Variants in RANBP2 observed in about 807,000 individuals in gnomAD.
The protein encoded by RANBP2 is E3 SUMO-protein ligase RanBP2.
RANBP2 carries 57 observed loss-of-function variants against 303.6 expected under a neutral mutation model. That is an observed-to-expected ratio of 0.19 (90% CI 0.15 to 0.23). RANBP2 has a LOEUF of 0.23. RANBP2 is among the 10% of genes least tolerant of loss of function. RANBP2 has a pLI of 1.00. For synonymous variants in RANBP2, 1,167 were observed against 1,301.5 expected (o/e 0.90, Z 2.23); for missense variants, 3,138 against 3,780.8 (o/e 0.83, Z 4.46).
the RANBP2 span, among the ~76,000 whole-genome samples, chr2:109,246,327 G>T: frequency 6.6e-6 from 1 of 152,156 alleles, no homozygotes; most frequent in Non-Finnish European, 1.5e-5. Flanking sequence ...GTTCACAGAC[G>T]GTGCCTTCTC....
the RANBP2 span, among the ~76,000 whole-genome samples, chr2:109,483,788 C>A: frequency 2.0e-5 from 3 of 152,168 alleles, no homozygotes; most frequent in Non-Finnish European, 4.4e-5. Flanking sequence ...CCTCCCCAGG[C>A]TGCAGGCGCT....
the RANBP2 span, among the ~76,000 whole-genome samples, chr2:109,408,654 C>G: frequency 6.6e-6 from 1 of 152,238 alleles, no homozygotes; most frequent in Non-Finnish European, 1.5e-5. Context: ...CTGGCACTCT[C>G]AGACAGAAGG....
the RANBP2 span, among the ~76,000 whole-genome samples, chr2:109,016,175 G>A: frequency 2.0e-5 from 3 of 152,088 alleles, no homozygotes; most frequent in Non-Finnish European, 2.9e-5. Flanking sequence ...TCCGCCTCCC[G>A]GGTTCACGCC....
the RANBP2 span, among the ~76,000 whole-genome samples, chr2:109,300,643 C>A: frequency 6.6e-6 from 1 of 152,148 alleles, no homozygotes; most frequent in African/African-American, 2.4e-5. Context: ...AACCACTCGT[C>A]CTCCATCCAT....
chr2:109,428,364 TAAGG>T, the RANBP2 span, among the ~76,000 whole-genome samples: 1 of 152,214 alleles, frequency 6.6e-6, no homozygotes, highest in Non-Finnish European at 1.5e-5. Flanking sequence ...GCTATAGAAA[TAAGG>T]AAGTAGTATG....
the RANBP2 span, among the ~76,000 whole-genome samples, chr2:109,489,583 CAGAG>C: frequency 6.6e-6 from 1 of 152,256 alleles, no homozygotes; most frequent in Admixed American, 6.5e-5. Context: ...GGTCCCGTGA[CAGAG>C]AGGGCTGTGT....
the RANBP2 span, among the ~76,000 whole-genome samples, chr2:108,829,263 G>A: frequency 3.9e-5 from 6 of 152,028 alleles, no homozygotes; most frequent in Admixed American, 2.6e-4. Flanking sequence ...AATATATAAG[G>A]AACTCCTTCA....
the RANBP2 span, among the ~76,000 whole-genome samples, chr2:108,868,651 C>T: frequency 6.6e-6 from 1 of 152,112 alleles, no homozygotes; most frequent in African/African-American, 2.4e-5. Context: ...CTGAGAGTTT[C>T]TGGGAAACCT....
the RANBP2 span, among the ~76,000 whole-genome samples, chr2:109,031,705 C>T: frequency 6.6e-6 from 1 of 152,200 alleles, no homozygotes; most frequent in African/African-American, 2.4e-5. Flanking sequence ...CGGGCTCTGC[C>T]GGTGGCAACC....
chr2:109,262,495 G>T, the RANBP2 span, among the ~76,000 whole-genome samples: 1 of 152,314 alleles, frequency 6.6e-6, no homozygotes, highest in Admixed American at 6.5e-5. Context: ...ACTCTCTGCA[G>T]CCAGGTAAAC....
the RANBP2 span, among the ~76,000 whole-genome samples, chr2:108,881,705 A>T: frequency 6.6e-6 from 1 of 152,212 alleles, no homozygotes; most frequent in Non-Finnish European, 1.5e-5. Context: ...GTTATGTCTC[A>T]GGAAATGAAG....
chr2:108,871,715 G>A, the RANBP2 span, among the ~76,000 whole-genome samples: 1 of 152,056 alleles, frequency 6.6e-6, no homozygotes, highest in Non-Finnish European at 1.5e-5. Context: ...ACACAGAATT[G>A]ATTGACTTCC....
chr2:109,615,061 C>G, the RANBP2 span: 19 of 1,549,310 alleles, frequency 1.2e-5, no homozygotes, highest in Non-Finnish European at 1.6e-5. Context: ...AGGGGCAGCT[C>G]CCTTGTGGGG....
rs111676038 is a variant in RANBP2 at position 108,765,069 on chromosome 2, A to G, written c.4530A>G (p.Leu1510=). The G allele has an allele frequency of 2.3e-4, 373 of 1,614,080 alleles. 1 individual carries two copies. In the African/African-American group the frequency reaches 3.9e-3, roughly 17 times the overall value. The change falls in exon 20 of 29, where the codon CTA becomes CTG. Residue 1510 remains leucine, a synonymous_variant. Coordinates refer to ENST00000283195, the MANE Select transcript of RANBP2 (RefSeq NM_006267.5). The stretch of plus-strand genomic sequence containing the variant: ...GTCAGAATCCGAGAAAACAGAGTCT[A>G]CCTGCTACTTCTATTCCAACACCTG... ...AACQNPRKQS[L]PATSIPTPAS... is the part of the protein sequence containing the mutation.
chr2:109,574,834 T>C, the RANBP2 span: 19 of 1,201,804 alleles, frequency 1.6e-5, no homozygotes, highest in South Asian at 2.0e-5. Context: ...GTGCAACTCT[T>C]AGAAGTTTGA....
chr2:108,916,705 G>A, the RANBP2 span, among the ~76,000 whole-genome samples: 7 of 152,146 alleles, frequency 4.6e-5, no homozygotes, highest in African/African-American at 1.4e-4. Flanking sequence ...GTGCGCAGCC[G>A]AGGAGGTGGG....
chr2:109,018,336 C>T, the RANBP2 span, among the ~76,000 whole-genome samples: 6 of 152,188 alleles, frequency 3.9e-5, no homozygotes, highest in Non-Finnish European at 5.9e-5. Flanking sequence ...GGTGAGGTCT[C>T]ATTGCCTTGT....
the RANBP2 span, among the ~76,000 whole-genome samples, chr2:109,013,002 T>C: frequency 6.6e-6 from 1 of 152,232 alleles, no homozygotes; most frequent in African/African-American, 2.4e-5. Context: ...GCCAGGACTC[T>C]TTAAAGGGCC....
At chr2:109,198,386 G>T in the RANBP2 span, among the ~76,000 whole-genome samples, 1 of 152,218 alleles carries the variant, frequency 6.6e-6, no homozygotes, top group Non-Finnish European at 1.5e-5. Flanking sequence ...AACTCAGTGA[G>T]CAAGGGGTGT....
Sources: gnomAD v4.1 joint callset for allele counts (sites outside exome capture counted in the v4.1 genomes callset) on GRCh38, gnomAD v4.1.1 for gene constraint, MANE v1.5 for transcripts, NCBI Gene and HGNC (gene_info 2026-07-23, HGNC 2026-07-21) for gene names.